DAB2: variants seen among roughly 807,000 people sequenced by gnomAD.
DAB2 encodes DAB adaptor protein 2.
DAB2 carries 28 observed loss-of-function variants against 71.6 expected under a neutral mutation model. That is an observed-to-expected ratio of 0.39 (90% CI 0.29 to 0.54). The LOEUF (loss-of-function observed/expected upper bound fraction) is 0.54, where lower values mean the gene tolerates loss of function less well. DAB2 is among the 20% of genes least tolerant of loss of function. The pLI is 0.68. For synonymous variants in DAB2, 345 were observed against 339.7 expected, an observed-to-expected ratio of 1.02 and a Z score of -0.17; for missense variants, 867 against 928.8, an observed-to-expected ratio of 0.93 and a Z score of 0.86.
intron 1 of DAB2, among the ~76,000 whole-genome samples, chr5:39,404,247 G>T (rs1755560817): frequency 9.0e-6 from 1 of 110,534 alleles, no homozygotes; most frequent in Non-Finnish European, 1.8e-5. Flanking sequence ...TCTGTTGTGG[G>T]GTGGGGGGAG....
In DAB2 at chr5:39,375,589, C is replaced by CA. The variant is rs1754806552; in HGVS notation, c.2247+407dup. 2.0e-5 allele frequency among the ~76,000 whole-genome samples: 3 copies of CA among 152,042 alleles called. No homozygotes were observed. In the South Asian group the frequency reaches 6.2e-4, roughly 32 times the overall value. ...ATCTTAGCTAAACATGTTTTACCAT[C>CA]AAAAAGCTATTATAGCCAGGTGCGG... On this transcript the variant is annotated intron_variant, in intron 13 of 14. Transcript: ENST00000320816.
Position 39,381,576 on chromosome 5 carries a change from G to A in DAB2, c.1382C>T (p.Pro461Leu), listed in dbSNP as rs755418105. 2 of 1,614,048 alleles carry A rather than the reference G, an allele frequency of 1.2e-6. No homozygotes were observed. Among genetic ancestry groups the A allele is most frequent in the Middle Eastern group, 1.6e-4 (1 of 6,062 alleles). The change falls in exon 11 of 15, where the codon CCT becomes CTT. Residue 461 changes from proline (P) to leucine (L), a missense_variant. Pro to Leu is a moderately conservative substitution (Grantham distance 98). Around this residue, in one of 2 missense-constraint regions of DAB2, gnomAD observed 740 missense variants for 734.3 expected, o/e 1.01. Transcript: ENST00000320816. ...NDLLASDIFA[P>L]PVSEPSGQAS... is the part of the protein sequence containing the mutation. ...CTGGCCTGAAGGTTCTGAGACGGGA[G>A]GAGCAAAGATGTCTGATGCAAGCAA...
At position 39,377,293 on chromosome 5, in the gene DAB2, A is replaced by G. The variant is rs770756984; in HGVS notation, c.1505-11T>C. ...TGACAGTTACACCACCTGAAGTAAGAGGAAGAAAAATACTTATCAGGAGTC... is the reference window on the plus strand; with the variant it reads ...TGACAGTTACACCACCTGAAGTAAGGGGAAGAAAAATACTTATCAGGAGTC... On this transcript the variant is annotated splice_polypyrimidine_tract_variant and intron_variant, in intron 11 of 14. Transcript: ENST00000320816. 1.2e-6 allele frequency: 2 copies of G among 1,600,936 alleles called. No individual in the cohort carries two copies. The highest frequency in any genetic ancestry group is 2.7e-5 in the African/African-American group (2 of 74,310).
At chr5:39,393,176 T>C (rs982982644) in intron 3 of DAB2, 78 bp downstream of exon 3, 2 of 1,446,348 alleles carry the variant, frequency 1.4e-6, no homozygotes, top group African/African-American at 2.8e-5. Flanking sequence ...GAACAATAGG[T>C]CAACAAGAGC....
intron 1 of DAB2, among the ~76,000 whole-genome samples, chr5:39,404,885 C>A (rs139986990): frequency 6.6e-6 from 1 of 152,166 alleles, no homozygotes; most frequent in East Asian, 1.9e-4. Context: ...GGCCTTTAGA[C>A]GGGGCAGTGC....
At chr5:39,404,449 GTAT>G (rs1200035485) in intron 1 of DAB2, among the ~76,000 whole-genome samples, 6 of 131,536 alleles carry the variant, frequency 4.6e-5, no homozygotes, top group Non-Finnish European at 8.0e-5. Flanking sequence ...ATAAATGCAT[GTAT>G]TATTATCTAA....
At chr5:39,376,629 G>A (rs1754836988) in intron 12 of DAB2, 21 bp downstream of exon 12, 1 of 1,609,686 alleles carries the variant, frequency 6.2e-7, no homozygotes, top group Non-Finnish European at 8.5e-7. Flanking sequence ...GGAACAGTAG[G>A]CAGAGTGGTG....
intron 3 of DAB2, among the ~76,000 whole-genome samples, 171 bp downstream of exon 3, chr5:39,393,083 C>G (rs143564630): frequency 2.2e-4 from 33 of 152,268 alleles, no homozygotes; most frequent in African/African-American, 7.9e-4. Context: ...GGACATCCCT[C>G]CAAATATGCA....
Position 39,394,373 on chromosome 5 carries a change from G to A in DAB2, c.-53C>T. ...TACCAGTGGACACTTGGTGACACCA[G>A]GCGATCCCGATGGAGAAGTCTCAAA... On this transcript the variant is annotated 5_prime_UTR_variant, in exon 2 of 15. Transcript: ENST00000320816. 1 of 1,351,732 alleles carries A rather than the reference G, an allele frequency of 7.4e-7. No individual in the cohort carries two copies. Among genetic ancestry groups the A allele is most frequent in the East Asian group, 2.3e-5 (1 of 43,674 alleles). 83.7% of individuals were successfully genotyped at this position (1,351,732 alleles called of 1,614,324 possible).
At chr5:39,373,592 C>T (rs943257393) in intron 14 of DAB2, among the ~76,000 whole-genome samples, 167 bp from the exon 15 acceptor site, 16 of 152,118 alleles carry the variant, frequency 1.1e-4, no homozygotes, top group Non-Finnish European at 1.3e-4. Flanking sequence ...AAATGCTTAG[C>T]GCAAGTGCTC....
At chr5:39,400,040 A>T (rs147893861) in intron 1 of DAB2, among the ~76,000 whole-genome samples, 28 of 152,310 alleles carry the variant, frequency 1.8e-4, no homozygotes, top group African/African-American at 5.8e-4. Flanking sequence ...TATACAGAGC[A>T]GGCAGGAAAA....
chr5:39,401,730 G>GTTATTTAGTTAT (rs1755502009), intron 1 of DAB2, among the ~76,000 whole-genome samples: 1 of 141,196 alleles, frequency 7.1e-6, no homozygotes, highest in African/African-American at 2.7e-5. Flanking sequence ...CTGAGACTGG[G>GTTATTTAGTTAT]TTATTTATTT....
chr5:39,420,568 T>C (rs1232851474), intron 1 of DAB2, among the ~76,000 whole-genome samples: 1 of 152,202 alleles, frequency 6.6e-6, no homozygotes, highest in Non-Finnish European at 1.5e-5. Context: ...CACTTGCCCC[T>C]AGCTAGCTAG....
intron 1 of DAB2, among the ~76,000 whole-genome samples, chr5:39,414,328 T>C (rs1456159453): frequency 1.3e-5 from 2 of 152,154 alleles, no homozygotes; most frequent in African/African-American, 4.8e-5. Context: ...TTGTGTTAAG[T>C]CAAAGCAATA....
chr5:39,396,006 G>A (rs1312810745), intron 1 of DAB2, among the ~76,000 whole-genome samples: 1 of 128,642 alleles, frequency 7.8e-6, no homozygotes, highest in Non-Finnish European at 1.6e-5. Context: ...GCAGTGGCAC[G>A]ATTTCGGCCC....
At chr5:39,381,801 T>A (rs1457467088) in intron 10 of DAB2, among the ~76,000 whole-genome samples, 185 bp from the exon 11 acceptor site, 3 of 152,204 alleles carry the variant, frequency 2.0e-5, no homozygotes, top group Admixed American at 6.5e-5. Flanking sequence ...CACAGATTCC[T>A]ACAACGGACG....
At chr5:39,393,132 G>A in intron 3 of DAB2, 122 bp downstream of exon 3, 2 of 993,114 alleles carry the variant, frequency 2.0e-6, no homozygotes, top group East Asian at 2.4e-5. Flanking sequence ...CACTACTGAT[G>A]GATAATGTGA....
intron 1 of DAB2, among the ~76,000 whole-genome samples, chr5:39,395,875 G>C (rs1354864759): frequency 6.7e-6 from 1 of 148,522 alleles, no homozygotes; most frequent in Non-Finnish European, 1.5e-5. Context: ...ATTCATAGTA[G>C]TCCTGTGAGT....
rs34507990 is a variant in DAB2, at chr5:39,383,155, T to C, written c.804A>G (p.Pro268=). ...NGITSCSLPR[P]TPQASFLPEN... ...CAGGCAAGAAGGATGCCTGAGGCGT[T>C]GGTCGAGGAAGAGAACAGGAGGTGA... Residue 268 remains proline (P), a synonymous_variant, in exon 10 of 15, where the codon CCA becomes CCG. Transcript: ENST00000320816. The C allele has an allele frequency of 0.039, 62,192 of 1,614,060 alleles. 1,343 individuals carry two copies. The highest frequency in any genetic ancestry group is 0.044 in the Non-Finnish European group (52,445 of 1,179,954).
Sources: allele counts gnomAD v4.1 joint callset (sites outside exome capture counted in the v4.1 genomes callset), GRCh38; gene constraint gnomAD v4.1.1; regional missense constraint gnomAD v4.1.1; transcripts MANE v1.5; gene names NCBI Gene and HGNC (gene_info 2026-07-23, HGNC 2026-07-21).